Variants in ADAM28 observed in about 807,000 individuals in gnomAD.
ADAM28 encodes ADAM metallopeptidase domain 28.
In ADAM28, 105 loss-of-function variants were observed where a neutral mutation model predicts 101.2. The ratio of observed to expected loss-of-function variants is 1.04; its 90% CI spans 0.89 to 1.22. The LOEUF (loss-of-function observed/expected upper bound fraction) is 1.22, where lower values mean the gene tolerates loss of function less well. ADAM28 is among the 50% of genes most tolerant of loss of function. The pLI is 0.00. For missense variants in ADAM28, 1,028 were observed against 945.4 expected (o/e 1.09, Z -1.15); for synonymous variants, 322 against 310.6 (o/e 1.04, Z -0.39).
Position 24,358,872 on chromosome 8 carries a change from A to G in ADAM28, c.*4468A>G, listed in dbSNP as rs1816843289. 1 of 152,186 alleles carries G rather than the reference A, an allele frequency of 6.6e-6. No individual in the cohort carries two copies. The allele number at this position is 152,186 out of a possible 1,614,324, so 9.4% of individuals were successfully genotyped here. On this transcript the variant is annotated 3_prime_UTR_variant, in exon 23 of 23. Transcript: ENST00000265769. ...TCCATACTCTTGGGATATATCTGAC[A>G]TCTCAATATTAAATGACTAAGATGA...
At position 24,309,959 on chromosome 8, in the gene ADAM28, GA is replaced by G. The variant is rs570442888; in HGVS notation, c.224del (p.Asn75ThrfsTer53). The G allele has an allele frequency of 2.2e-5, 34 of 1,556,504 alleles. No homozygotes were observed. The highest frequency in any genetic ancestry group is 5.5e-5 in the African/African-American group (4 of 73,090). ...INGKIAVLYL[K>X]KNKNLLAPGY... ...ATGGAAAAATTGCAGTGCTTTATTT[GA>G]AAAAAAACAAGTAAGTATCTTTACC... On this transcript the variant is annotated frameshift_variant, in exon 3 of 23. Transcript: ENST00000265769. LOFTEE classifies it high-confidence loss of function.
Position 24,326,579 on chromosome 8 carries a change from G to T in ADAM28, c.916G>T (p.Val306Leu), listed in dbSNP as rs756575179. Residue 306 changes from valine to leucine, a missense_variant, in exon 10 of 23, where the codon GTG becomes TTG. Physicochemically the swap from Val to Leu is conservative, Grantham distance 32. Transcript: ENST00000265769. ...AGCAACAGAACTTGCTGGAACGACTGTGGGTCTTGCATTTATGTCTACAAT... is the reference window on the plus strand; with the variant it reads ...AGCAACAGAACTTGCTGGAACGACTTTGGGTCTTGCATTTATGTCTACAAT... ...ITATELAGTT[V>L]GLAFMSTMCS... 2.5e-6 allele frequency: 4 copies of T among 1,612,158 alleles called. No individual in the cohort carries two copies. Among genetic ancestry groups the T allele is most frequent in the Non-Finnish European group, 3.4e-6 (4 of 1,178,758 alleles).
At chr8:24,341,156 A>G (rs771128382) in intron 15 of ADAM28, 60 of 153,654 alleles carry the variant, frequency 3.9e-4, no homozygotes, top group Admixed American at 1.5e-3. Context: ...GATGTTAGGA[A>G]TCCATGTTTT....
rs1170492225 is a variant in ADAM28, at chr8:24,330,077, G to A, written c.1065G>A (p.Lys355=). 2 of 1,613,556 alleles carry A rather than the reference G, an allele frequency of 1.2e-6. No individual in the cohort carries two copies. Among genetic ancestry groups the A allele is most frequent in the South Asian group, 2.2e-5 (2 of 91,074 alleles). ...FGMFHDDYSC[K]CPSTICVMDK... ...TGTTTCATGACGACTATTCTTGCAA[G>A]TGTCCTTCTACAATATGTGTGATGG... The change falls in exon 11 of 23, where the codon AAG becomes AAA. Residue 355 remains lysine (K), a synonymous_variant. Transcript: ENST00000265769.
At chr8:24,353,056 G>C (rs1341165596) in intron 21 of ADAM28, among the ~76,000 whole-genome samples, 3 of 152,074 alleles carry the variant, frequency 2.0e-5, no homozygotes, top group African/African-American at 4.8e-5. Context: ...ATTTGTCCCA[G>C]GGATATCTAA....
chr8:24,351,974 T>C lies in ADAM28; in HGVS notation c.2179-13T>C. 1 of 1,613,236 alleles carries C rather than the reference T, an allele frequency of 6.2e-7. No homozygotes were observed. Among genetic ancestry groups the C allele is most frequent in the East Asian group, 2.2e-5 (1 of 44,822 alleles). On this transcript the variant is annotated splice_polypyrimidine_tract_variant and intron_variant, in intron 20 of 22. Coordinates refer to ENST00000265769, the MANE Select transcript of ADAM28 (RefSeq NM_014265.6). Reference sequence around the variant, plus strand: ...CTAATGGTTCATTTTGAAATATTCGTTCTTCTTTTCAGATGAGTCAGATGA... The same window carrying C: ...CTAATGGTTCATTTTGAAATATTCGCTCTTCTTTTCAGATGAGTCAGATGA...
chr8:24,354,557 T>A lies in ADAM28; in HGVS notation c.*153T>A. The A allele has an allele frequency of 1.1e-6, 1 of 873,506 alleles. No individual in the cohort carries two copies. The highest frequency in any genetic ancestry group is 1.6e-6 in the Non-Finnish European group (1 of 608,090). The allele number at this position is 873,506 out of a possible 1,614,324, so 54.1% of individuals were successfully genotyped here. ...GATTCATGTTAGACTTTGAAGAGAC[T>A]AAAGAAAATTTTCAAGAGGAACATA... is the stretch of plus-strand genomic sequence containing the variant. On this transcript the variant is annotated 3_prime_UTR_variant, in exon 23 of 23. Transcript: ENST00000265769.
At chr8:24,350,020 T>C in intron 19 of ADAM28, 48 bp downstream of exon 19, 4 of 1,537,436 alleles carry the variant, frequency 2.6e-6, no homozygotes, top group Non-Finnish European at 3.6e-6. Flanking sequence ...ACCCCTATTT[T>C]ACTTTACTTT....
chr8:24,297,380 T>C (rs7821889), intron 1 of ADAM28, among the ~76,000 whole-genome samples: 5,903 of 152,274 alleles, frequency 0.039, 203 homozygotes, highest in South Asian at 0.06. Flanking sequence ...AAATTTGTGT[T>C]GGCTAGATGA....
At chr8:24,348,195 A>T (rs1023263467) in intron 18 of ADAM28, among the ~76,000 whole-genome samples, 11 of 152,074 alleles carry the variant, frequency 7.2e-5, no homozygotes, top group South Asian at 2.1e-4. Flanking sequence ...TTACCCTAAA[A>T]CTTCCCAATT....
chr8:24,353,776 G>T lies in ADAM28; in HGVS notation c.2251G>T (p.Asp751Tyr). The change falls in exon 22 of 23, where the codon GAC (aspartate) becomes TAC (tyrosine). Residue 751 changes from aspartate to tyrosine, a missense_variant. Coordinates refer to ENST00000265769, the MANE Select transcript of ADAM28 (RefSeq NM_014265.6). ...GTTTTTATAATTAACGTAGCATAAAGACACAAACGCACTTCCCCCTACTGT... is the reference window on the plus strand; with the variant it reads ...GTTTTTATAATTAACGTAGCATAAATACACAAACGCACTTCCCCCTACTGT... ...GNEPPASFHKDTNALPPTVFK... is the reference protein window; with the variant it reads ...GNEPPASFHKYTNALPPTVFK... 6.6e-7 allele frequency: 1 copy of T among 1,510,798 alleles called. No homozygotes were observed. Among genetic ancestry groups the T allele is most frequent in the Non-Finnish European group, 9.2e-7 (1 of 1,086,734 alleles). 93.6% of individuals were successfully genotyped at this position (1,510,798 alleles called of 1,614,324 possible).
chr8:24,332,812 G>C lies in ADAM28; in HGVS notation c.1371+63G>C, dbSNP rs1023729897. On this transcript the variant is annotated intron_variant, in intron 13 of 22. Coordinates refer to ENST00000265769, the MANE Select transcript of ADAM28 (RefSeq NM_014265.6). ...CATTTTTATACATTAACATCTCAGT[G>C]ATTATGTTAACTGAAATAAGCAATG... 6 of 884,862 alleles carry C rather than the reference G, an allele frequency of 6.8e-6. No individual in the cohort carries two copies. The African/African-American group carries it at 1.0e-4, about 15-fold the overall frequency. The allele number at this position is 884,862 out of a possible 1,614,324, so 54.8% of individuals were successfully genotyped here. A position where few individuals can be genotyped will look rare whatever the true frequency, so the allele number is the denominator to read the frequency against.
At chr8:24,312,928 CAAAT>C (rs1048416613) in intron 5 of ADAM28, among the ~76,000 whole-genome samples, 2 of 152,118 alleles carry the variant, frequency 1.3e-5, no homozygotes, top group African/African-American at 2.4e-5. Flanking sequence ...GGTATTAAGA[CAAAT>C]AAATGTGGAG....
intron 8 of ADAM28, among the ~76,000 whole-genome samples, chr8:24,323,082 G>T (rs1812092170): frequency 6.6e-6 from 1 of 151,922 alleles, no homozygotes; most frequent in Admixed American, 6.6e-5. Flanking sequence ...CTGGGGGCTT[G>T]GAAGTCCAAA....
chr8:24,349,452 T>A lies in ADAM28; in HGVS notation c.1991-412T>A, dbSNP rs545363928. Among the ~76,000 whole-genome samples, 4 of 152,316 alleles carry A rather than the reference T, an allele frequency of 2.6e-5. No homozygotes were observed. The East Asian group carries it at 7.7e-4, about 29-fold the overall frequency. On this transcript the variant is annotated intron_variant, in intron 18 of 22. Transcript: ENST00000265769. Reference sequence around the variant, plus strand: ...AGTCACACCTCAGCTTCTTATTCACTAATGACAGGAATGTATTTTCAAAGT... The same window carrying A: ...AGTCACACCTCAGCTTCTTATTCACAAATGACAGGAATGTATTTTCAAAGT...
At chr8:24,343,761 C>T (rs11998631) in intron 18 of ADAM28, among the ~76,000 whole-genome samples, 177 bp downstream of exon 18, 11,653 of 152,032 alleles carry the variant, frequency 0.077, 817 homozygotes, top group African/African-American at 0.18. Flanking sequence ...TTATATTTTC[C>T]GTGTCTTCAT....
chr8:24,352,160 T>C (rs1194969437), intron 21 of ADAM28, 108 bp downstream of exon 21: 1 of 941,834 alleles, frequency 1.1e-6, no homozygotes, highest in Non-Finnish European at 1.6e-6. Flanking sequence ...AATATTGAAA[T>C]CTATGTGAAT....
intron 4 of ADAM28, among the ~76,000 whole-genome samples, chr8:24,310,704 C>A (rs2129265353): frequency 6.6e-6 from 1 of 152,228 alleles, no homozygotes; most frequent in African/African-American, 2.4e-5. Flanking sequence ...TGTGAGGGGT[C>A]ATGCACCATT....
At chr8:24,351,400 C>T in intron 20 of ADAM28, 90 bp downstream of exon 20, 1 of 1,337,910 alleles carries the variant, frequency 7.5e-7, no homozygotes, top group Non-Finnish European at 1.1e-6. Flanking sequence ...ATCATTTCTA[C>T]CCAGCAGCGT....
Sources: allele counts gnomAD v4.1 joint callset (sites outside exome capture counted in the v4.1 genomes callset), GRCh38; gene constraint gnomAD v4.1.1; transcripts MANE v1.5; gene names NCBI Gene and HGNC (gene_info 2026-07-23, HGNC 2026-07-21).